Variants in INTS14 observed in about 807,000 individuals in gnomAD.
The protein encoded by INTS14 is integrator complex subunit 14, also known as UPF0464 protein C15orf44.
Under a neutral mutation model 56.9 loss-of-function variants are expected in INTS14, and 27 were observed. The observed-to-expected ratio is 0.47, with a 90% CI of 0.35 to 0.65. The LOEUF (loss-of-function observed/expected upper bound fraction) is 0.65, where lower values mean the gene tolerates loss of function less well. INTS14 is among the 30% of genes least tolerant of loss of function. The pLI is 0.00. For missense variants in INTS14, 517 were observed against 632.2 expected, an observed-to-expected ratio of 0.82 and a Z score of 1.95; for synonymous variants, 207 against 236.2, an observed-to-expected ratio of 0.88 and a Z score of 1.13.
Position 65,607,460 on chromosome 15 carries a change from G to T in INTS14, c.-62-18C>A. The T allele has an allele frequency of 1.9e-6, 3 of 1,567,244 alleles. No individual in the cohort carries two copies. The highest frequency in any genetic ancestry group is 2.6e-6 in the Non-Finnish European group (3 of 1,152,042). On this transcript the variant is annotated intron_variant, in intron 1 of 11. Transcript: ENST00000313182. Reference sequence around the variant, plus strand: ...AAGAAATGCTGCAGAAAATAAATACGTTCTTACATGTCATGGAGAGAAAAT... The same window carrying T: ...AAGAAATGCTGCAGAAAATAAATACTTTCTTACATGTCATGGAGAGAAAAT...
chr15:65,586,378 A>G (rs940616831), intron 9 of INTS14: 4 of 152,214 alleles, frequency 2.6e-5, no homozygotes, highest in African/African-American at 4.8e-5. Flanking sequence ...AAAAGCCAAC[A>G]CTTTTTCCAC....
chr15:65,580,450 G>A (rs1296952579), intron 11 of INTS14, among the ~76,000 whole-genome samples: 1 of 152,176 alleles, frequency 6.6e-6, no homozygotes, highest in Non-Finnish European at 1.5e-5. Flanking sequence ...GTAAATAGCT[G>A]ATGACTGTAG....
intron 8 of INTS14, 129 bp from the exon 9 acceptor site, chr15:65,591,860 C>T: frequency 9.8e-7 from 1 of 1,024,288 alleles, no homozygotes; most frequent in South Asian, 1.8e-5. Context: ...ACTACTTTTA[C>T]CAAAGCCAAA....
chr15:65,610,920 C>G, intron 1 of INTS14, 178 bp downstream of exon 1: 3 of 1,462,610 alleles, frequency 2.1e-6, no homozygotes, highest in Non-Finnish European at 2.7e-6. Flanking sequence ...AGCCTCAGAG[C>G]GAGGGGAGGC....
At chr15:65,583,115 T>TGA (rs1555397528) in intron 10 of INTS14, among the ~76,000 whole-genome samples, 1 of 152,198 alleles carries the variant, frequency 6.6e-6, no homozygotes, top group Non-Finnish European at 1.5e-5. Flanking sequence ...GTGGCTGCTG[T>TGA]GAGAGAGTGT....
chr15:65,605,379 A>G, intron 2 of INTS14, 143 bp from the exon 3 acceptor site: 1 of 623,412 alleles, frequency 1.6e-6, no homozygotes, highest in Non-Finnish European at 2.8e-6. Flanking sequence ...TCTTAAAGAA[A>G]AATGCTAGAA....
chr15:65,582,062 G>GT, intron 10 of INTS14, 43 bp from the exon 11 acceptor site: 2 of 1,493,720 alleles, frequency 1.3e-6, no homozygotes, highest in Non-Finnish European at 1.8e-6. Flanking sequence ...GAATTCTGTG[G>GT]TAAAAAAGGG....
In INTS14 at chr15:65,606,237, A is replaced by G. The variant is rs561603368; in HGVS notation, c.222+922T>C. On this transcript the variant is annotated intron_variant, in intron 2 of 11. Coordinates refer to ENST00000313182, the MANE Select transcript of INTS14 (RefSeq NM_001394796.1). ...GCCACTGCACTCCAGCCTGGGCGAC[A>G]GCGAGACTCCGTCTCAAAAAAAAAA... is the stretch of plus-strand genomic sequence containing the variant. Among the ~76,000 whole-genome samples the G allele has an allele frequency of 6.7e-5, 10 of 149,452 alleles. No individual in the cohort carries two copies. The South Asian group carries it at 1.9e-3, about 29-fold the overall frequency.
chr15:65,611,053 A>G (rs1004870074), intron 1 of INTS14, 45 bp downstream of exon 1: 1 of 1,535,356 alleles, frequency 6.5e-7, no homozygotes, highest in Non-Finnish European at 8.7e-7. Flanking sequence ...TGTAACCCCA[A>G]CAAGCAGCGA....
At chr15:65,601,639 C>G (rs2073439323) in intron 3 of INTS14, among the ~76,000 whole-genome samples, 1 of 152,140 alleles carries the variant, frequency 6.6e-6, no homozygotes, top group African/African-American at 2.4e-5. Context: ...CCGCGCCCGG[C>G]CCTTAAGGCA....
chr15:65,598,190 G>T (rs1040950569), intron 6 of INTS14, 131 bp downstream of exon 6: 11 of 888,474 alleles, frequency 1.2e-5, no homozygotes, highest in Non-Finnish European at 1.6e-5. Context: ...TTTGGGTAAG[G>T]AATACTCAAC....
At chr15:65,607,088 C>T (rs1421247648) in intron 2 of INTS14, 71 bp downstream of exon 2, 48 of 1,534,268 alleles carry the variant, frequency 3.1e-5, no homozygotes, top group South Asian at 3.7e-5. Flanking sequence ...AAATATTCAA[C>T]GCATTATAAC....
At position 65,598,418 on chromosome 15, in the gene INTS14, C is replaced by A. The variant is rs1463410203; in HGVS notation, c.651G>T (p.Lys217Asn). 4 of 1,614,040 alleles carry A rather than the reference C, an allele frequency of 2.5e-6. No individual in the cohort carries two copies. Among genetic ancestry groups the A allele is most frequent in the Non-Finnish European group, 2.5e-6 (3 of 1,179,952 alleles). ...LAYTPFHAVL[K>N]CGHLTADVQV... Reference sequence around the variant, plus strand: ...GTACATCAGCAGTTAGGTGGCCACACTTGAGAACAGCATGGAAAGGCGTAT... The same window carrying A: ...GTACATCAGCAGTTAGGTGGCCACAATTGAGAACAGCATGGAAAGGCGTAT... Residue 217 changes from lysine (K) to asparagine (N), a missense_variant, in exon 6 of 12, where the codon AAG becomes AAT. Coordinates refer to ENST00000313182, the MANE Select transcript of INTS14 (RefSeq NM_001394796.1).
chr15:65,607,484 A>G, intron 1 of INTS14, 42 bp from the exon 2 acceptor site: 7 of 1,523,856 alleles, frequency 4.6e-6, no homozygotes, highest in Non-Finnish European at 6.2e-6. Context: ...TGGAGAGAAA[A>G]TAATATTTTT....
chr15:65,599,137 C>T (rs2041593187), intron 4 of INTS14, 147 bp from the exon 5 acceptor site: 1 of 595,770 alleles, frequency 1.7e-6, no homozygotes, highest in South Asian at 2.3e-5. Context: ...AAAATAACAA[C>T]AACAATTTTG....
chr15:65,606,945 G>C (rs894029609), intron 2 of INTS14, among the ~76,000 whole-genome samples: 12 of 152,152 alleles, frequency 7.9e-5, no homozygotes, highest in African/African-American at 2.7e-4. Context: ...AGGAAAATAA[G>C]GGAACAACTC....
chr15:65,581,970 G>GT lies in INTS14; in HGVS notation c.1288dup (p.Thr430AsnfsTer6), dbSNP rs781635472. 8.1e-6 allele frequency: 13 copies of GT among 1,612,258 alleles called. No homozygotes were observed. The highest frequency in any genetic ancestry group is 8.5e-7 in the Non-Finnish European group (1 of 1,179,478). Reference sequence around the variant, plus strand: ...CTGTCTCACCTTATAGAATGTCTGTGTTTTTTCAGGTAGTTTCCTTGCATT... The same window carrying GT: ...CTGTCTCACCTTATAGAATGTCTGTGTTTTTTTCAGGTAGTTTCCTTGCATT... On this transcript the variant is annotated frameshift_variant, in exon 11 of 12. Coordinates refer to ENST00000313182, the MANE Select transcript of INTS14 (RefSeq NM_001394796.1). LOFTEE classifies it high-confidence loss of function.
In INTS14 at chr15:65,605,246, T is replaced by A. The variant is rs1232077161; in HGVS notation, c.223-10A>T. 4 of 1,596,022 alleles carry A rather than the reference T, an allele frequency of 2.5e-6. No homozygotes were observed. Among genetic ancestry groups the A allele is most frequent in the Non-Finnish European group, 3.4e-6 (4 of 1,164,334 alleles). On this transcript the variant is annotated splice_polypyrimidine_tract_variant and intron_variant, in intron 2 of 11. Coordinates refer to ENST00000313182, the MANE Select transcript of INTS14 (RefSeq NM_001394796.1). ...TATTACTTAGTGCTTCCTTATTGAA[T>A]AAAAGATAAAATTGCTAGTTACTCT... is the stretch of plus-strand genomic sequence containing the variant.
chr15:65,606,187 G>A (rs1333797623), intron 2 of INTS14, among the ~76,000 whole-genome samples: 1 of 150,440 alleles, frequency 6.6e-6, no homozygotes, highest in African/African-American at 2.5e-5. Flanking sequence ...CCCGGGGGGC[G>A]GAGCCTGCAG....
Sources: allele counts gnomAD v4.1 joint callset (sites outside exome capture counted in the v4.1 genomes callset), GRCh38; gene constraint gnomAD v4.1.1; transcripts MANE v1.5; gene names NCBI Gene and HGNC (gene_info 2026-07-23, HGNC 2026-07-21).